CFTR: variants seen among roughly 807,000 people sequenced by gnomAD.
CFTR encodes CF transmembrane conductance regulator.
A neutral mutation model predicts 171.6 loss-of-function variants in CFTR; 181 were observed. The observed-to-expected ratio is 1.05, with a 90% CI of 0.93 to 1.19. The LOEUF (loss-of-function observed/expected upper bound fraction) is 1.19, where lower values mean the gene tolerates loss of function less well. Among genes scored for constraint, CFTR ranks in the 50% most tolerant of loss-of-function variants. The pLI is 0.00. For synonymous variants in CFTR, 583 were observed against 608.0 expected (o/e 0.96, Z 0.60); for missense variants, 1,968 against 1,734.7 (o/e 1.13, Z -2.39).
chr7:117,496,646 G>C (rs1018492400), intron 1 of CFTR, among the ~76,000 whole-genome samples: 1 of 152,184 alleles, frequency 6.6e-6, no homozygotes, highest in Admixed American at 6.6e-5. Context: ...TTGTGTACAA[G>C]TTTTTGTGCA....
rs772133886 is a variant in CFTR at position 117,590,481 on chromosome 7, A to G, written c.1766+42A>G. Reference sequence around the variant, plus strand: ...CCTTACTTATAATGCTCATGCTAAAATAAAAGAAAGACAGACTGTCCCATC... The same window carrying G: ...CCTTACTTATAATGCTCATGCTAAAGTAAAAGAAAGACAGACTGTCCCATC... On this transcript the variant is annotated intron_variant, in intron 13 of 26. Coordinates refer to ENST00000003084, the MANE Select transcript of CFTR (RefSeq NM_000492.4). 7 of 1,577,592 alleles carry G rather than the reference A, an allele frequency of 4.4e-6. No homozygotes were observed. In the Admixed American group the frequency reaches 1.2e-4, roughly 27 times the overall value.
At chr7:117,501,786 A>AAC (rs1562882015) in intron 1 of CFTR, among the ~76,000 whole-genome samples, 71 of 140,580 alleles carry the variant, frequency 5.1e-4, no homozygotes, top group African/African-American at 1.8e-3. Flanking sequence ...CAAAAAAAAA[A>AAC]AAAAAACAAA....
At chr7:117,609,191 T>A (rs1299538725) in intron 18 of CFTR, among the ~76,000 whole-genome samples, 1 of 152,204 alleles carries the variant, frequency 6.6e-6, no homozygotes, top group Admixed American at 6.5e-5. Flanking sequence ...TCTGACAAAT[T>A]TGCTTTCCGG....
At chr7:117,482,678 T>C (rs774629514) in intron 1 of CFTR, among the ~76,000 whole-genome samples, 2 of 152,214 alleles carry the variant, frequency 1.3e-5, no homozygotes, top group African/African-American at 2.4e-5. Flanking sequence ...GATTTATAAA[T>C]GGTCACCAAC....
At chr7:117,617,953 T>C (rs951659552) in intron 21 of CFTR, among the ~76,000 whole-genome samples, 2 of 152,094 alleles carry the variant, frequency 1.3e-5, no homozygotes, top group African/African-American at 4.8e-5. Flanking sequence ...ATCAGCCCCA[T>C]AACTCAGGAT....
chr7:117,551,775 C>A (rs1431906771), intron 10 of CFTR, among the ~76,000 whole-genome samples: 2 of 152,154 alleles, frequency 1.3e-5, no homozygotes, highest in Non-Finnish European at 2.9e-5. Flanking sequence ...TGAAAGCTGG[C>A]TTATGGCATC....
intron 1 of CFTR, among the ~76,000 whole-genome samples, chr7:117,484,037 A>T (rs1251776484): frequency 6.6e-6 from 1 of 152,208 alleles, no homozygotes; most frequent in Non-Finnish European, 1.5e-5. Flanking sequence ...CATCATGATG[A>T]TTTTGTATTT....
chr7:117,512,943 A>G (rs777859780), intron 3 of CFTR, among the ~76,000 whole-genome samples: 2 of 152,190 alleles, frequency 1.3e-5, no homozygotes, highest in African/African-American at 4.8e-5. Flanking sequence ...AAGGACATAC[A>G]GGAGAAGTCC....
intron 15 of CFTR, among the ~76,000 whole-genome samples, chr7:117,595,403 G>C (rs1287162904): frequency 2.0e-5 from 3 of 150,374 alleles, no homozygotes; most frequent in African/African-American, 7.3e-5. Flanking sequence ...TAAAGGTTAA[G>C]AGATTCGAAA....
intron 3 of CFTR, among the ~76,000 whole-genome samples, chr7:117,517,917 A>T (rs1042696211): frequency 2.0e-5 from 3 of 151,952 alleles, no homozygotes; most frequent in Admixed American, 2.0e-4. Flanking sequence ...TTTCCTGTAA[A>T]TTTGTTTAAG....
At chr7:117,577,038 G>A (rs1412711051) in intron 11 of CFTR, among the ~76,000 whole-genome samples, 2 of 152,218 alleles carry the variant, frequency 1.3e-5, no homozygotes, top group African/African-American at 2.4e-5. Flanking sequence ...GAACAGAAAC[G>A]CATGACTGTC....
At chr7:117,647,694 A>T (rs13221213) in intron 23 of CFTR, among the ~76,000 whole-genome samples, 5,480 of 101,960 alleles carry the variant, frequency 0.054, 137 homozygotes, top group African/African-American at 0.1. Context: ...AAAAAAAAAA[A>T]TTTTTTTTTT....
intron 23 of CFTR, among the ~76,000 whole-genome samples, chr7:117,643,024 G>C (rs1405584921): frequency 6.6e-6 from 1 of 152,064 alleles, no homozygotes; most frequent in East Asian, 1.9e-4. Context: ...ATTGTTTTTT[G>C]TTATTTGGAT....
Position 117,611,738 on chromosome 7 carries a change from C to A in CFTR, c.3297C>A (p.Phe1099Leu), listed in dbSNP as rs747754623. The change falls in exon 20 of 27, where the codon TTC becomes TTA. Residue 1099 changes from phenylalanine (F) to leucine (L), a missense_variant. Coordinates refer to ENST00000003084, the MANE Select transcript of CFTR (RefSeq NM_000492.4). ...TGTACCTGTCAACACTGCGCTGGTTCCAAATGAGAATAGAAATGATTTTTG... is the reference window on the plus strand; with the variant it reads ...TGTACCTGTCAACACTGCGCTGGTTACAAATGAGAATAGAAATGATTTTTG... ...WFLYLSTLRW[F>L]QMRIEMIFVI... is the part of the protein sequence containing the mutation. The A allele has an allele frequency of 1.7e-5, 27 of 1,613,322 alleles. No individual in the cohort carries two copies. In the African/African-American group the frequency reaches 3.3e-4, roughly 20 times the overall value.
chr7:117,551,301 TAAAG>T lies in CFTR; in HGVS notation c.1392+2480_1392+2483del, dbSNP rs1799266612. ...TGTATATGATATACTCTTAAGTGAATAAAGAGTTACAAAATGTTATGTACAAGTT... is the reference window on the plus strand; with the variant it reads ...TGTATATGATATACTCTTAAGTGAATAGTTACAAAATGTTATGTACAAGTT... On this transcript the variant is annotated intron_variant, in intron 10 of 26. Coordinates refer to ENST00000003084, the MANE Select transcript of CFTR (RefSeq NM_000492.4). Among the ~76,000 whole-genome samples the T allele has an allele frequency of 2.6e-5, 4 of 152,212 alleles. No individual in the cohort carries two copies. In the South Asian group the frequency reaches 8.3e-4, roughly 31 times the overall value.
chr7:117,598,127 T>G (rs866992858), intron 15 of CFTR, among the ~76,000 whole-genome samples: 12 of 152,188 alleles, frequency 7.9e-5, no homozygotes, highest in African/African-American at 2.9e-4. Context: ...AAGACAGAGA[T>G]CCAGCTTTTT....
chr7:117,599,052 T>A (rs945494568), intron 15 of CFTR, among the ~76,000 whole-genome samples: 2 of 152,126 alleles, frequency 1.3e-5, no homozygotes, highest in African/African-American at 4.8e-5. Context: ...TTTTATACTT[T>A]AACAAAAATA....
intron 11 of CFTR, among the ~76,000 whole-genome samples, chr7:117,570,947 G>A (rs773204524): frequency 6.6e-6 from 1 of 152,174 alleles, no homozygotes; most frequent in African/African-American, 2.4e-5. Flanking sequence ...TCCTAAGTAA[G>A]TGTATATTTG....
At chr7:117,628,773 C>T (rs1008593852) in intron 22 of CFTR, among the ~76,000 whole-genome samples, 3 of 151,872 alleles carry the variant, frequency 2.0e-5, no homozygotes, top group African/African-American at 4.8e-5. Flanking sequence ...ATAGGATGTG[C>T]GAAAAGTCCC....
Sources: gnomAD v4.1 joint callset for allele counts (sites outside exome capture counted in the v4.1 genomes callset) on GRCh38, gnomAD v4.1.1 for gene constraint, MANE v1.5 for transcripts, NCBI Gene and HGNC (gene_info 2026-07-23, HGNC 2026-07-21) for gene names.